Variants in FAM234B observed in about 807,000 individuals in gnomAD.
FAM234B encodes family with sequence similarity 234 member B.
A neutral mutation model predicts 69.3 loss-of-function variants in FAM234B; 33 were observed. The observed-to-expected ratio is 0.48, with a 90% CI of 0.36 to 0.64. FAM234B has a LOEUF of 0.64. FAM234B is among the 30% of genes least tolerant of loss of function. The probability of loss-of-function intolerance (pLI) is 0.00; values close to 1 mark genes in which losing one functional copy is unlikely to be tolerated. For missense variants in FAM234B, 697 were observed against 769.7 expected (o/e 0.91, Z 1.12); for synonymous variants, 306 against 306.9 (o/e 1.00, Z 0.03).
chr12:13,075,906 G>A, intron 10 of FAM234B, 120 bp from the exon 11 acceptor site: 1 of 772,302 alleles, frequency 1.3e-6, no homozygotes, highest in Non-Finnish European at 2.4e-6. Flanking sequence ...TTAGGATCAG[G>A]CATTAGCATC....
intron 3 of FAM234B, among the ~76,000 whole-genome samples, chr12:13,059,391 C>T (rs527814399): frequency 1.3e-5 from 2 of 152,340 alleles, no homozygotes; most frequent in African/African-American, 4.8e-5. Context: ...TGTGAATAGT[C>T]TCCTTAAGAA....
chr12:13,064,435 T>C (rs1865015563), intron 5 of FAM234B, among the ~76,000 whole-genome samples: 1 of 152,200 alleles, frequency 6.6e-6, no homozygotes, highest in African/African-American at 2.4e-5. Flanking sequence ...TTAGAAATCT[T>C]GGTCTAACCA....
intron 1 of FAM234B, among the ~76,000 whole-genome samples, chr12:13,055,270 A>C (rs183633994): frequency 8.3e-4 from 126 of 152,294 alleles, no homozygotes; most frequent in African/African-American, 2.9e-3. Context: ...TTTTAAACTA[A>C]AGGCATTTTA....
chr12:13,048,628 A>AT (rs922705992), intron 1 of FAM234B, among the ~76,000 whole-genome samples: 12 of 151,736 alleles, frequency 7.9e-5, no homozygotes, highest in African/African-American at 2.2e-4. Flanking sequence ...TAAAGCCTTG[A>AT]TTTTTTTTCC....
chr12:13,073,115 ACT>A (rs1299766810), intron 10 of FAM234B, among the ~76,000 whole-genome samples: 2 of 147,390 alleles, frequency 1.4e-5, no homozygotes, highest in African/African-American at 2.5e-5. Flanking sequence ...TTTCTCAAAC[ACT>A]CTCATTTTAA....
chr12:13,067,005 T>A lies in FAM234B; in HGVS notation c.1001-150T>A. On this transcript the variant is annotated intron_variant, in intron 6 of 12. Coordinates refer to ENST00000197268, the MANE Select transcript of FAM234B (RefSeq NM_020853.2). This position sits in a 1 kb window ranked among gnomAD's most constrained non-coding sequence, Gnocchi z 4.7. ...GGAAGACTCTTGTCCAGCACCCACT[T>A]AATCACCTCCCCACTTGTTCCGTGT... 1 of 991,536 alleles carries A rather than the reference T, an allele frequency of 1.0e-6. No individual in the cohort carries two copies. Among genetic ancestry groups the A allele is most frequent in the Non-Finnish European group, 1.5e-6 (1 of 669,612 alleles). 61.4% of individuals were successfully genotyped at this position (991,536 alleles called of 1,614,324 possible).
In FAM234B at chr12:13,055,717, G is replaced by A; in HGVS notation, c.204G>A (p.Glu68=). The change falls in exon 2 of 13, where the codon GAG becomes GAA. Residue 68 remains glutamate (E), a synonymous_variant. Coordinates refer to ENST00000197268, the MANE Select transcript of FAM234B (RefSeq NM_020853.2). ...CCGACTCAGATGCTGAGGTTGCAGAGGCTGCAAAGCCACATCTTTCAGAAG... is the reference window on the plus strand; with the variant it reads ...CCGACTCAGATGCTGAGGTTGCAGAAGCTGCAAAGCCACATCTTTCAGAAG... ...PEPDSDAEVA[E]AAKPHLSEVT... The A allele has an allele frequency of 6.2e-7, 1 of 1,614,226 alleles. No homozygotes were observed. Among genetic ancestry groups the A allele is most frequent in the Non-Finnish European group, 8.5e-7 (1 of 1,180,034 alleles).
Position 13,055,684 on chromosome 12 carries a change from G to A in FAM234B, c.171G>A (p.Ala57=), listed in dbSNP as rs139728687. The A allele has an allele frequency of 1.4e-5, 23 of 1,614,106 alleles. No homozygotes were observed. Among genetic ancestry groups the A allele is most frequent in the African/African-American group, 1.3e-4 (10 of 74,950 alleles). ...ATGGGAAGAGTCCTTTGGGAGAAGC[G>A]CCAGAACCCGACTCAGATGCTGAGG... is the stretch of plus-strand genomic sequence containing the variant. ...VKNGKSPLGE[A]PEPDSDAEVA... The change falls in exon 2 of 13, where the codon GCG becomes GCA. Residue 57 remains alanine (A), a synonymous_variant. Coordinates refer to ENST00000197268, the MANE Select transcript of FAM234B (RefSeq NM_020853.2).
intron 9 of FAM234B, 143 bp from the exon 10 acceptor site, chr12:13,071,098 C>A: frequency 1.2e-6 from 1 of 801,056 alleles, no homozygotes; most frequent in Non-Finnish European, 2.0e-6. Flanking sequence ...GCTCTCGGAA[C>A]ACCCAGTTTG....
chr12:13,046,197 C>T (rs1288852707), intron 1 of FAM234B, among the ~76,000 whole-genome samples: 1 of 96,564 alleles, frequency 1.0e-5, no homozygotes, highest in Non-Finnish European at 1.9e-5. Flanking sequence ...CGTCTGATCT[C>T]GGAAGCTAAG....
Position 13,079,837 on chromosome 12 carries a change from C to T in FAM234B, c.1691C>T (p.Thr564Ile), listed in dbSNP as rs1737329101. 6.2e-7 allele frequency: 1 copy of T among 1,614,068 alleles called. No homozygotes were observed. Among genetic ancestry groups the T allele is most frequent in the Non-Finnish European group, 8.5e-7 (1 of 1,179,976 alleles). Reference sequence around the variant, plus strand: ...GATGCCTTTTATGTTACCAGGACAACAGGGCCAAGCTCCGAAGGCCATCCA... The same window carrying T: ...GATGCCTTTTATGTTACCAGGACAATAGGGCCAAGCTCCGAAGGCCATCCA... Reference protein sequence around the residue: ...WKDAFYVTRTTGPSSEGHPAA... With the variant: ...WKDAFYVTRTIGPSSEGHPAA... Residue 564 changes from threonine to isoleucine, a missense_variant, in exon 12 of 13, where the codon ACA (threonine) becomes ATA (isoleucine). Physicochemically the swap from Thr to Ile is moderately conservative, Grantham distance 89. Transcript: ENST00000197268.
chr12:13,052,229 T>C (rs1269730790), intron 1 of FAM234B, among the ~76,000 whole-genome samples: 1 of 152,174 alleles, frequency 6.6e-6, no homozygotes, highest in Non-Finnish European at 1.5e-5. Context: ...GTTTCTAGAT[T>C]GGAGGCCAGT....
At chr12:13,059,211 C>G (rs1284996898) in intron 3 of FAM234B, among the ~76,000 whole-genome samples, 1 of 152,242 alleles carries the variant, frequency 6.6e-6, no homozygotes, top group Non-Finnish European at 1.5e-5. Flanking sequence ...AGAATGGCTG[C>G]TACAGCCTTG....
chr12:13,067,730 A>G lies in FAM234B; in HGVS notation c.1142+434A>G, dbSNP rs902884271. On this transcript the variant is annotated intron_variant, in intron 7 of 12. Transcript: ENST00000197268. The surrounding 1 kb of genome is among the most constrained non-coding windows in gnomAD (Gnocchi z 4.7). ...TATTTTTATTTATTTCCTAACTAGA[A>G]GCATGTAGTTTGTCACATGCAGGGG... 6.6e-6 allele frequency among the ~76,000 whole-genome samples: 1 copy of G among 152,232 alleles called. No individual in the cohort carries two copies. The highest frequency in any genetic ancestry group is 1.5e-5 in the Non-Finnish European group (1 of 68,044).
At chr12:13,058,405 G>A (rs1485439418) in intron 2 of FAM234B, 46 bp from the exon 3 acceptor site, 1 of 1,507,850 alleles carries the variant, frequency 6.6e-7, no homozygotes, top group African/African-American at 1.4e-5. Context: ...GAACTGGTTT[G>A]TGGTAACTTG....
At chr12:13,068,783 C>A in intron 9 of FAM234B, 72 bp downstream of exon 9, 1 of 973,056 alleles carries the variant, frequency 1.0e-6, no homozygotes. Context: ...CTGTGTTAGG[C>A]ACAGCAGGGA....
Position 13,066,542 on chromosome 12 carries a change from C to T in FAM234B, c.853-98C>T, listed in dbSNP as rs1286560355. On this transcript the variant is annotated intron_variant, in intron 5 of 12. Transcript: ENST00000197268. ...CCAACTTGGGGGAGTGTTTCTGAGCCCGTGGCTTATGAGGAGGCAGTGACT... is the reference window on the plus strand; with the variant it reads ...CCAACTTGGGGGAGTGTTTCTGAGCTCGTGGCTTATGAGGAGGCAGTGACT... 6.8e-6 allele frequency: 9 copies of T among 1,323,964 alleles called. No homozygotes were observed. The Admixed American group carries it at 7.4e-5, about 11-fold the overall frequency. The allele number at this position is 1,323,964 out of a possible 1,614,324, so 82.0% of individuals were successfully genotyped here.
chr12:13,071,413 G>A lies in FAM234B; in HGVS notation c.1524+17G>A. The A allele has an allele frequency of 1.2e-6, 2 of 1,612,910 alleles. No homozygotes were observed. Among genetic ancestry groups the A allele is most frequent in the Non-Finnish European group, 1.7e-6 (2 of 1,179,352 alleles). The stretch of plus-strand genomic sequence containing the variant: ...CCCAATTCCGTGAGTGAGCCTGGGA[G>A]GGTCCCTTTTTTACTTTGTCAGATG... On this transcript the variant is annotated intron_variant, in intron 10 of 12. Coordinates refer to ENST00000197268, the MANE Select transcript of FAM234B (RefSeq NM_020853.2).
chr12:13,048,139 G>C (rs1442764184), intron 1 of FAM234B, among the ~76,000 whole-genome samples: 1 of 152,212 alleles, frequency 6.6e-6, no homozygotes, highest in Non-Finnish European at 1.5e-5. Flanking sequence ...TTGTGTGCTT[G>C]TCTTTATATT....
Sources: gnomAD v4.1 joint callset for allele counts (sites outside exome capture counted in the v4.1 genomes callset) on GRCh38, gnomAD v4.1.1 for gene constraint, Gnocchi (gnomAD v3.1) non-coding constraint, MANE v1.5 for transcripts, NCBI Gene and HGNC (gene_info 2026-07-23, HGNC 2026-07-21) for gene names.